Variants in ELMO1 observed in about 807,000 individuals in gnomAD.
ELMO1 encodes engulfment and cell motility 1.
Under a neutral mutation model 98.9 loss-of-function variants are expected in ELMO1, and 26 were observed. That is an observed-to-expected ratio of 0.26 (90% confidence interval 0.19 to 0.36). The LOEUF is 0.36. Among genes scored for constraint, ELMO1 ranks in the 10% least tolerant of loss-of-function variants. The pLI, the probability that ELMO1 is intolerant of heterozygous loss-of-function variation, is 1.00. For synonymous variants in ELMO1, 346 were observed against 346.0 expected (o/e 1.00, Z 0.00); for missense variants, 627 against 935.2 (o/e 0.67, Z 4.30).
chr7:37,211,036 C>A, intron 13 of ELMO1: 1 of 206,840 alleles, frequency 4.8e-6, no homozygotes, highest in Non-Finnish European at 9.9e-6. Flanking sequence ...ACTCAATAAC[C>A]CAATAATAAG....
At chr7:37,167,806 A>AATTATGTGT (rs1196917346) in intron 13 of ELMO1, among the ~76,000 whole-genome samples, 3 of 149,952 alleles carry the variant, frequency 2.0e-5, no homozygotes, top group Non-Finnish European at 3.0e-5. Flanking sequence ...TGAATCTGAC[A>AATTATGTGT]ATTATGTGTC....
At chr7:36,959,401 GC>G (rs1278791442) in intron 16 of ELMO1, among the ~76,000 whole-genome samples, 2 of 152,118 alleles carry the variant, frequency 1.3e-5, no homozygotes, top group African/African-American at 2.4e-5. Flanking sequence ...CAGTTTTCAA[GC>G]CCCTGAAAAA....
chr7:37,002,966 T>C (rs1261389480), intron 16 of ELMO1, among the ~76,000 whole-genome samples: 1 of 152,126 alleles, frequency 6.6e-6, no homozygotes, highest in Non-Finnish European at 1.5e-5. Flanking sequence ...TTGCCAAAAG[T>C]GATAGCTGCA....
chr7:37,084,143 A>G (rs959609665), intron 15 of ELMO1, among the ~76,000 whole-genome samples: 3 of 152,202 alleles, frequency 2.0e-5, no homozygotes, highest in Non-Finnish European at 2.9e-5. Flanking sequence ...ATTTGGACTC[A>G]GTGGGCCTTC....
At chr7:37,245,023 A>G (rs74706925) in intron 6 of ELMO1, among the ~76,000 whole-genome samples, 6,872 of 152,256 alleles carry the variant, frequency 0.045, 364 homozygotes, top group African/African-American at 0.12. Context: ...GTGTTTCAAA[A>G]CTGGCCAAAC....
intron 16 of ELMO1, among the ~76,000 whole-genome samples, chr7:36,914,940 T>C (rs1784586098): frequency 6.6e-6 from 1 of 152,162 alleles, no homozygotes; most frequent in Admixed American, 6.5e-5. Flanking sequence ...CATACAGCTT[T>C]CATTTAGCAA....
chr7:36,945,758 C>T lies in ELMO1; in HGVS notation c.1438-50741G>A, dbSNP rs943186842. On this transcript the variant is annotated intron_variant, in intron 16 of 21. Coordinates refer to ENST00000310758, the MANE Select transcript of ELMO1 (RefSeq NM_014800.11). ...CTGACATACTGCCCAGAGTCCTTGACGGTACTATTTTTAGCAACAGGGCCA... is the reference window on the plus strand; with the variant it reads ...CTGACATACTGCCCAGAGTCCTTGATGGTACTATTTTTAGCAACAGGGCCA... Among the ~76,000 whole-genome samples the T allele has an allele frequency of 3.9e-5, 6 of 152,234 alleles. No individual in the cohort carries two copies. The East Asian group carries it at 7.7e-4, about 20-fold the overall frequency.
At chr7:37,295,746 G>A (rs939287993) in intron 4 of ELMO1, among the ~76,000 whole-genome samples, 1 of 152,164 alleles carries the variant, frequency 6.6e-6, no homozygotes, top group Non-Finnish European at 1.5e-5. Flanking sequence ...AGCCCAAATA[G>A]AGAAAGAAGT....
chr7:37,088,509 T>G (rs756152028), intron 15 of ELMO1, among the ~76,000 whole-genome samples: 1 of 152,250 alleles, frequency 6.6e-6, no homozygotes, highest in Non-Finnish European at 1.5e-5. Flanking sequence ...CAAAGCACTT[T>G]AACTAACATT....
chr7:37,210,029 CAG>C lies in ELMO1; in HGVS notation c.1086+1355_1086+1356del, dbSNP rs1251823040. Among the ~76,000 whole-genome samples the C allele has an allele frequency of 2.0e-5, 3 of 151,914 alleles. No individual in the cohort carries two copies. The East Asian group carries it at 5.8e-4, about 29-fold the overall frequency. ...TAACACTATAAAAACAATAACTGGA[CAG>C]AGTGTTAGTTTTTTAGGTTTTTAGG... On this transcript the variant is annotated intron_variant, in intron 13 of 21. Coordinates refer to ENST00000310758, the MANE Select transcript of ELMO1 (RefSeq NM_014800.11).
chr7:37,011,270 G>A (rs1313167360), intron 16 of ELMO1, among the ~76,000 whole-genome samples: 1 of 152,172 alleles, frequency 6.6e-6, no homozygotes, highest in Non-Finnish European at 1.5e-5. Context: ...CAGGATGTCT[G>A]CCACCAATCT....
chr7:37,446,411 G>A (rs1161724276), intron 1 of ELMO1, among the ~76,000 whole-genome samples: 1 of 152,178 alleles, frequency 6.6e-6, no homozygotes, highest in African/African-American at 2.4e-5. Context: ...GGAGTGTCTG[G>A]CTGCTATTTT....
chr7:37,241,144 T>C (rs1019655542), intron 7 of ELMO1, among the ~76,000 whole-genome samples: 1 of 152,106 alleles, frequency 6.6e-6, no homozygotes, highest in African/African-American at 2.4e-5. Flanking sequence ...ATTATACACA[T>C]GTATAATAAT....
At chr7:37,149,039 G>C (rs1788185571) in intron 13 of ELMO1, among the ~76,000 whole-genome samples, 1 of 152,202 alleles carries the variant, frequency 6.6e-6, no homozygotes, top group South Asian at 2.1e-4. Flanking sequence ...CAGCTTTCCA[G>C]GCAGCCTCTG....
At chr7:37,172,878 C>T (rs1162305369) in intron 13 of ELMO1, among the ~76,000 whole-genome samples, 21 of 152,144 alleles carry the variant, frequency 1.4e-4, no homozygotes, top group Admixed American at 1.4e-3. Context: ...TTCATTGAGT[C>T]CAAATTTCCC....
At chr7:37,255,303 G>A (rs1795582280) in intron 6 of ELMO1, among the ~76,000 whole-genome samples, 1 of 152,156 alleles carries the variant, frequency 6.6e-6, no homozygotes, top group Non-Finnish European at 1.5e-5. Context: ...ATGTGCACAT[G>A]AGGACAGAGA....
chr7:37,193,556 G>A (rs1364851613), intron 13 of ELMO1, among the ~76,000 whole-genome samples: 2 of 152,118 alleles, frequency 1.3e-5, no homozygotes, highest in East Asian at 1.9e-4. Flanking sequence ...CTCCCTGCAG[G>A]AGCTTAGAGG....
At chr7:37,378,151 T>C (rs1401911671) in intron 1 of ELMO1, among the ~76,000 whole-genome samples, 1 of 152,160 alleles carries the variant, frequency 6.6e-6, no homozygotes, top group Non-Finnish European at 1.5e-5. Flanking sequence ...GTCCAGCTGA[T>C]GGCATGGCTG....
rs11440673 is a variant in ELMO1 at position 37,440,768 on chromosome 7, CA to C, written c.-74+7906del. On this transcript the variant is annotated intron_variant, in intron 1 of 21. Transcript: ENST00000310758. ...TGGGTGACAGAGTGAGACTCCATCT[CA>C]AAAAAAAAAAAAAATCTAGGAAACT... Among the ~76,000 whole-genome samples the C allele has an allele frequency of 3.6e-3, 470 of 129,924 alleles. 3 individuals are homozygous for C. Among genetic ancestry groups the C allele is most frequent in the African/African-American group, 0.011 (359 of 33,694 alleles). The allele number at this position is 129,924 out of a possible 152,430, so 85.2% of individuals were successfully genotyped here.
Sources: allele counts gnomAD v4.1 joint callset (sites outside exome capture counted in the v4.1 genomes callset), GRCh38; gene constraint gnomAD v4.1.1; transcripts MANE v1.5; gene names NCBI Gene and HGNC (gene_info 2026-07-23, HGNC 2026-07-21).